The following UTRN variants were observed in gnomAD, a reference collection of about 807,000 sequenced individuals.
The protein encoded by UTRN is utrophin, also known as dystrophin-related protein 1.
In UTRN, 283 loss-of-function variants were observed where a neutral mutation model predicts 463.9. The ratio of observed to expected loss-of-function variants is 0.61; its 90% CI spans 0.55 to 0.67. The LOEUF (loss-of-function observed/expected upper bound fraction) is 0.67. UTRN is among the 30% of genes least tolerant of loss of function. The pLI, the probability that UTRN is intolerant of heterozygous loss-of-function variation, is 0.00. For missense variants in UTRN, 3,922 were observed against 4,084.3 expected, an observed-to-expected ratio of 0.96 and a Z score of 1.08; for synonymous variants, 1,442 against 1,431.5, an observed-to-expected ratio of 1.01 and a Z score of -0.17.
At chr6:144,525,236 T>G (rs1326823281) in intron 41 of UTRN, among the ~76,000 whole-genome samples, 1 of 152,158 alleles carries the variant, frequency 6.6e-6, no homozygotes. Flanking sequence ...TTTCTCTATC[T>G]TTTGGATAGT....
At chr6:144,390,985 A>G (rs1781855105) in intron 2 of UTRN, among the ~76,000 whole-genome samples, 1 of 64,888 alleles carries the variant, frequency 1.5e-5, no homozygotes, top group Non-Finnish European at 2.9e-5. Flanking sequence ...TGTACAACTA[A>G]TTGTTATATT....
rs963349719 is a variant in UTRN at position 144,548,738 on chromosome 6, G to A, written c.6694G>A (p.Asp2232Asn). The A allele has an allele frequency of 6.2e-7, 1 of 1,614,020 alleles. No homozygotes were observed. The highest frequency in any genetic ancestry group is 1.1e-5 in the South Asian group (1 of 91,080). Reference sequence around the variant, plus strand: ...GGAAATTTCAATTCCTGCTGATCTTGATAAAACTATAACAGAACTAGCCGA... The same window carrying A: ...GGAAATTTCAATTCCTGCTGATCTTAATAAAACTATAACAGAACTAGCCGA... ...TSEISIPADL[D>N]KTITELADWL... is the part of the protein sequence containing the mutation. Residue 2232 changes from aspartate to asparagine, a missense_variant, in exon 47 of 75, where the codon GAT (aspartate) becomes AAT (asparagine). Around this residue, in one of 3 missense-constraint regions of UTRN, gnomAD observed 2,349 missense variants for 2,303.8 expected, o/e 1.02. Coordinates refer to ENST00000367545, the MANE Select transcript of UTRN (RefSeq NM_007124.3).
At chr6:144,808,728 C>CTT (rs11368498) in intron 65 of UTRN, among the ~76,000 whole-genome samples, 1 of 149,028 alleles carries the variant, frequency 6.7e-6, no homozygotes, top group African/African-American at 2.5e-5. Context: ...ATGAGCTTGA[C>CTT]TTTTTTTTTT....
intron 23 of UTRN, among the ~76,000 whole-genome samples, chr6:144,470,966 G>C: frequency 1.3e-5 from 2 of 150,766 alleles, no homozygotes; most frequent in Non-Finnish European, 3.0e-5. Flanking sequence ...ATTGAGCCGA[G>C]ATGGCGGCAG....
chr6:144,613,346 T>C (rs1289445406), intron 51 of UTRN, among the ~76,000 whole-genome samples: 2 of 152,068 alleles, frequency 1.3e-5, no homozygotes, highest in African/African-American at 2.4e-5. Flanking sequence ...TAATGTGTTA[T>C]GTATTTCAAA....
intron 69 of UTRN, among the ~76,000 whole-genome samples, chr6:144,833,766 T>C (rs1780871662): frequency 6.6e-6 from 1 of 152,212 alleles, no homozygotes; most frequent in South Asian, 2.1e-4. Flanking sequence ...CTGCAGCTCA[T>C]TGGTGTCCTG....
intron 2 of UTRN, chr6:144,344,290 G>C (rs1198906040): frequency 7.7e-7 from 1 of 1,304,140 alleles, no homozygotes; most frequent in East Asian, 5.5e-5. Flanking sequence ...CTCCAGGCTT[G>C]CAAGCGATTA....
At chr6:144,440,955 G>A (rs762248179) in intron 13 of UTRN, among the ~76,000 whole-genome samples, 23 of 152,104 alleles carry the variant, frequency 1.5e-4, no homozygotes, top group Non-Finnish European at 2.6e-4. Context: ...ATCAGACCTC[G>A]TGAGACTTAC....
chr6:144,438,610 TA>T, intron 11 of UTRN, 134 bp from the exon 12 acceptor site: 1 of 1,117,566 alleles, frequency 8.9e-7, no homozygotes, highest in Admixed American at 2.3e-5. Context: ...CTTCTATATT[TA>T]AAGACTAAAT....
intron 50 of UTRN, among the ~76,000 whole-genome samples, chr6:144,558,703 C>G (rs1337112632): frequency 1.3e-5 from 2 of 151,918 alleles, no homozygotes; most frequent in South Asian, 2.1e-4. Flanking sequence ...ATGGCCATCT[C>G]CAAGACAGAA....
chr6:144,484,854 C>T lies in UTRN; in HGVS notation c.3688-531C>T, dbSNP rs577827362. 5.3e-4 allele frequency among the ~76,000 whole-genome samples: 81 copies of T among 152,104 alleles called. 2 individuals are homozygous for T. The highest frequency in any genetic ancestry group is 1.8e-3 in the African/African-American group (75 of 41,518). On this transcript the variant is annotated intron_variant, in intron 27 of 74. Coordinates refer to ENST00000367545, the MANE Select transcript of UTRN (RefSeq NM_007124.3). ...AATTTATTTTAAAGAGTGAGGCAGC[C>T]TCTTGCCCACTCTTTGCTCCCCACC...
chr6:144,592,667 C>A (rs1223998225), intron 51 of UTRN, among the ~76,000 whole-genome samples: 1 of 152,154 alleles, frequency 6.6e-6, no homozygotes, highest in Non-Finnish European at 1.5e-5. Context: ...CCGTGCCCAG[C>A]CAATGAAAAG....
intron 43 of UTRN, among the ~76,000 whole-genome samples, chr6:144,533,716 A>C (rs548844780): frequency 7.8e-6 from 1 of 127,732 alleles, no homozygotes; most frequent in Non-Finnish European, 1.6e-5. Flanking sequence ...TTCTTCATCT[A>C]TGTAATATAA....
intron 47 of UTRN, 89 bp downstream of exon 47, chr6:144,548,943 C>G: frequency 7.4e-7 from 1 of 1,346,012 alleles, no homozygotes; most frequent in Non-Finnish European, 1.0e-6. Flanking sequence ...TTATCCTAAA[C>G]TATGAGAGAA....
intron 68 of UTRN, 61 bp downstream of exon 68, chr6:144,827,737 T>C: frequency 6.5e-7 from 1 of 1,535,196 alleles, no homozygotes; most frequent in South Asian, 1.2e-5. Flanking sequence ...CTATGTCTAA[T>C]TAATCTAATA....
chr6:144,551,623 C>G (rs1355371805), intron 48 of UTRN, among the ~76,000 whole-genome samples: 2 of 152,102 alleles, frequency 1.3e-5, no homozygotes, highest in Non-Finnish European at 2.9e-5. Flanking sequence ...AAGATCCTTG[C>G]TTGGGGTTTG....
At chr6:144,353,099 C>G (rs902244599) in intron 2 of UTRN, among the ~76,000 whole-genome samples, 1 of 151,904 alleles carries the variant, frequency 6.6e-6, no homozygotes, top group Non-Finnish European at 1.5e-5. Flanking sequence ...TGTGCCACCA[C>G]GCTCAGCTCA....
At chr6:144,580,729 T>A (rs1347961070) in intron 51 of UTRN, among the ~76,000 whole-genome samples, 1 of 152,208 alleles carries the variant, frequency 6.6e-6, no homozygotes, top group Non-Finnish European at 1.5e-5. Flanking sequence ...AGTATTTATA[T>A]TTTAATCCAG....
chr6:144,810,405 C>T (rs893125430), intron 65 of UTRN, among the ~76,000 whole-genome samples: 1 of 152,020 alleles, frequency 6.6e-6, no homozygotes, highest in Non-Finnish European at 1.5e-5. Context: ...ATGGGAGCTT[C>T]GGGATTGATT....
Sources: allele counts gnomAD v4.1 joint callset (sites outside exome capture counted in the v4.1 genomes callset), GRCh38; gene constraint gnomAD v4.1.1; regional missense constraint gnomAD v4.1.1; transcripts MANE v1.5; gene names NCBI Gene and HGNC (gene_info 2026-07-23, HGNC 2026-07-21).